MYOM3: variants seen among roughly 807,000 people sequenced by gnomAD.
The protein encoded by MYOM3 is myomesin 3.
A neutral mutation model predicts 191.7 loss-of-function variants in MYOM3; 155 were observed. The ratio of observed to expected loss-of-function variants is 0.81; its 90% CI spans 0.71 to 0.92. The LOEUF (loss-of-function observed/expected upper bound fraction) is 0.92, where lower values mean the gene tolerates loss of function less well. MYOM3 is among the 40% of genes least tolerant of loss of function. The probability of loss-of-function intolerance (pLI) is 0.00; values close to 1 mark genes in which losing one functional copy is unlikely to be tolerated. For missense variants in MYOM3, 1,889 were observed against 1,890.6 expected (o/e 1.00, Z 0.02); for synonymous variants, 757 against 762.9 (o/e 0.99, Z 0.13).
chr1:24,066,423 A>C, intron 28 of MYOM3: 1 of 590,588 alleles, frequency 1.7e-6, no homozygotes, highest in South Asian at 2.1e-5. Context: ...AGTGGCACAA[A>C]ATAGATGCTC....
chr1:24,110,188 G>T (rs1644026550), intron 1 of MYOM3, among the ~76,000 whole-genome samples: 1 of 152,200 alleles, frequency 6.6e-6, no homozygotes, highest in African/African-American at 2.4e-5. Flanking sequence ...ATCCTGGTCT[G>T]CAGGCTTCTG....
chr1:24,077,158 A>G (rs960182288), intron 20 of MYOM3, among the ~76,000 whole-genome samples: 1 of 152,124 alleles, frequency 6.6e-6, no homozygotes, highest in African/African-American at 2.4e-5. Context: ...ACTTTCCTCC[A>G]GGTCCCGTCC....
chr1:24,066,446 A>G, intron 28 of MYOM3: 1 of 572,938 alleles, frequency 1.7e-6, no homozygotes, highest in Non-Finnish European at 3.1e-6. Context: ...AGTTTACTGA[A>G]TGAATATGCT....
At chr1:24,060,938 C>T in intron 35 of MYOM3, 122 bp downstream of exon 35, 1 of 1,097,662 alleles carries the variant, frequency 9.1e-7, no homozygotes, top group East Asian at 2.4e-5. Context: ...TCTGTAAGAC[C>T]CTAGAGCCCC....
At chr1:24,070,765 C>CA (rs1294569221) in intron 25 of MYOM3, among the ~76,000 whole-genome samples, 1 of 151,992 alleles carries the variant, frequency 6.6e-6, no homozygotes, top group Non-Finnish European at 1.5e-5. Context: ...ATACCTAAAA[C>CA]AGAGTTAGAG....
chr1:24,108,601 G>A lies in MYOM3; in HGVS notation c.36C>T (p.Asp12=), dbSNP rs1347328834. Residue 12 remains aspartate (D), a synonymous_variant, in exon 2 of 37, where the codon GAC becomes GAT. Coordinates refer to ENST00000374434, the MANE Select transcript of MYOM3 (RefSeq NM_152372.4). The part of the protein sequence containing the change: ...TLPHSLGGAG[D]PRPPQAMEVH... ...CCTCCATGGCCTGGGGGGGCCGGGGGTCCCCCGCACCTCCCAAGCTGTGCG... is the reference window on the plus strand; with the variant it reads ...CCTCCATGGCCTGGGGGGGCCGGGGATCCCCCGCACCTCCCAAGCTGTGCG... 6.4e-7 allele frequency: 1 copy of A among 1,566,618 alleles called. No homozygotes were observed. Among genetic ancestry groups the A allele is most frequent in the Admixed American group, 2.0e-5 (1 of 51,068 alleles).
At chr1:24,086,610 G>T in intron 15 of MYOM3, 34 bp downstream of exon 15, 1 of 1,601,452 alleles carries the variant, frequency 6.2e-7, no homozygotes, top group East Asian at 2.2e-5. Context: ...GGCCTGGCCT[G>T]CCTCCTCCCC....
At position 24,111,239 on chromosome 1, in the gene MYOM3, G is replaced by C. The variant is rs1347377735; in HGVS notation, c.-19+792C>G. Among the ~76,000 whole-genome samples the C allele has an allele frequency of 2.0e-5, 3 of 152,246 alleles. No individual in the cohort carries two copies. Among genetic ancestry groups the C allele is most frequent in the Non-Finnish European group, 4.4e-5 (3 of 68,046 alleles). Reference sequence around the variant, plus strand: ...TCTTGGGGTGCAAAAATCTGGGCCAGAGGTCCCACTGCGTGGCCTTCCCTA... The same window carrying C: ...TCTTGGGGTGCAAAAATCTGGGCCACAGGTCCCACTGCGTGGCCTTCCCTA... On this transcript the variant is annotated intron_variant, in intron 1 of 36. Transcript: ENST00000374434. The surrounding 1 kb of genome is among the most constrained non-coding windows in gnomAD (Gnocchi z 4.7).
Position 24,057,027 on chromosome 1 carries a change from C to T in MYOM3, c.*337G>A, listed in dbSNP as rs1424033720. On this transcript the variant is annotated 3_prime_UTR_variant, in exon 37 of 37. Transcript: ENST00000374434. ...CCTTGGCACTTTTGACATCTGGGGTCGGATAATTCTATGTGGTGGGAGCTG... is the reference window on the plus strand; with the variant it reads ...CCTTGGCACTTTTGACATCTGGGGTTGGATAATTCTATGTGGTGGGAGCTG... 1.5e-5 allele frequency: 4 copies of T among 263,330 alleles called. No individual in the cohort carries two copies. Among genetic ancestry groups the T allele is most frequent in the African/African-American group, 2.2e-5 (1 of 45,514 alleles). The allele number at this position is 263,330 out of a possible 1,614,324, so 16.3% of individuals were successfully genotyped here.
chr1:24,068,808 C>T (rs967488648), intron 25 of MYOM3, among the ~76,000 whole-genome samples: 5 of 152,158 alleles, frequency 3.3e-5, no homozygotes, highest in Non-Finnish European at 5.9e-5. Context: ...ACTGCAGCTT[C>T]TGCCTCCCAT....
intron 7 of MYOM3, among the ~76,000 whole-genome samples, chr1:24,097,062 T>C (rs1307724092): frequency 2.0e-5 from 3 of 152,156 alleles, no homozygotes; most frequent in Non-Finnish European, 4.4e-5. Context: ...GACTCCTGAG[T>C]GTCTACCTGC....
At chr1:24,086,247 C>T (rs1222785973) in intron 15 of MYOM3, among the ~76,000 whole-genome samples, 1 of 152,032 alleles carries the variant, frequency 6.6e-6, no homozygotes, top group Non-Finnish European at 1.5e-5. Context: ...CCTGGTAAGC[C>T]AGGGCTCAGG....
intron 20 of MYOM3, 30 bp downstream of exon 20, chr1:24,079,986 C>T (rs780458474): frequency 1.9e-6 from 3 of 1,578,548 alleles, no homozygotes; most frequent in Non-Finnish European, 2.6e-6. Flanking sequence ...GGCTCAGGGC[C>T]AGTCAGAAGA....
chr1:24,101,605 A>G (rs1643934985), intron 5 of MYOM3, among the ~76,000 whole-genome samples: 1 of 152,102 alleles, frequency 6.6e-6, no homozygotes, highest in South Asian at 2.1e-4. Flanking sequence ...TAAAATAATT[A>G]GCTGGGTGTG....
At chr1:24,099,843 A>C in intron 5 of MYOM3, 68 bp from the exon 6 acceptor site, 1 of 1,119,120 alleles carries the variant, frequency 8.9e-7, no homozygotes, top group South Asian at 1.3e-5. Context: ...AGCCTCTCGG[A>C]TGGGGATTCC....
intron 36 of MYOM3, among the ~76,000 whole-genome samples, chr1:24,058,047 T>C (rs981499109): frequency 6.6e-6 from 1 of 152,202 alleles, no homozygotes; most frequent in Non-Finnish European, 1.5e-5. Context: ...CCTCAAGTGA[T>C]CTGCCCTCCT....
intron 7 of MYOM3, among the ~76,000 whole-genome samples, 179 bp downstream of exon 7, chr1:24,097,744 C>T (rs1240788750): frequency 2.0e-5 from 3 of 152,224 alleles, no homozygotes; most frequent in East Asian, 3.9e-4. Flanking sequence ...GAGACTATCG[C>T]TTGCTGTGAA....
In MYOM3 at chr1:24,057,620, C is replaced by T; in HGVS notation, c.4058G>A (p.Cys1353Tyr). 1 of 1,613,880 alleles carries T rather than the reference C, an allele frequency of 6.2e-7. No individual in the cohort carries two copies. ...GTCTCCTGAGACGATGCAAGTCAAG[C>T]ACAGGGTCTGTTTGAAAAGACAGGA... is the stretch of plus-strand genomic sequence containing the variant. The part of the protein sequence containing the change: ...VATIMEDKTL[C>Y]LTCIVSGDPT... Residue 1353 changes from cysteine (C) to tyrosine (Y), a missense_variant, in exon 37 of 37, where the codon TGC (cysteine) becomes TAC (tyrosine). Transcript: ENST00000374434.
Position 24,084,589 on chromosome 1 carries a change from AG to A in MYOM3, c.1848del (p.Ser617LeufsTer4). 6.2e-7 allele frequency: 1 copy of A among 1,614,048 alleles called. No homozygotes were observed. Among genetic ancestry groups the A allele is most frequent in the Non-Finnish European group, 8.5e-7 (1 of 1,180,002 alleles). On this transcript the variant is annotated frameshift_variant, in exon 16 of 37. Transcript: ENST00000374434. LOFTEE classifies it high-confidence loss of function. Reference protein sequence around the residue: ...AQVQAFRDTQTSVSLTWDPVK... With the variant: ...AQVQAFRDTQXSVSLTWDPVK... ...ACAGGATCCCATGTCAGGGAGACAG[AG>A]GTCTGTGTGTCTCTGAAAGCTTGAA...
Sources: allele counts gnomAD v4.1 joint callset (sites outside exome capture counted in the v4.1 genomes callset), GRCh38; gene constraint gnomAD v4.1.1; non-coding constraint Gnocchi (gnomAD v3.1); transcripts MANE v1.5; gene names NCBI Gene and HGNC (gene_info 2026-07-23, HGNC 2026-07-21).